Variants in CDKN2B-AS1 observed in about 807,000 individuals in gnomAD.
CDKN2B-AS1 encodes CDKN2B antisense RNA 1 (non-protein coding).
chr9:22,078,995 A>T (rs998265831), intron 4 of CDKN2B-AS1, among the ~76,000 whole-genome samples: 3 of 152,220 alleles, frequency 2.0e-5, no homozygotes, highest in African/African-American at 7.2e-5. Flanking sequence ...ACCATTATGG[A>T]AGCCTTATCA....
At chr9:22,031,070 G>A (rs935257983) in intron 1 of CDKN2B-AS1, 1 of 152,046 alleles carries the variant, frequency 6.6e-6, no homozygotes, top group African/African-American at 2.4e-5. Context: ...TATTTTTTAT[G>A]CAATCATTTG....
At chr9:22,100,668 G>C (rs1385627544) in intron 4 of CDKN2B-AS1, among the ~76,000 whole-genome samples, 2 of 151,892 alleles carry the variant, frequency 1.3e-5, no homozygotes, top group African/African-American at 4.8e-5. Context: ...TCATTTCCTT[G>C]GGTAGACACC....
chr9:22,067,525 AACAC>A (rs67625583), intron 4 of CDKN2B-AS1, among the ~76,000 whole-genome samples: 8,386 of 151,840 alleles, frequency 0.055, 316 homozygotes, highest in Non-Finnish European at 0.088. Flanking sequence ...AAATAAAAAG[AACAC>A]ACACACACAC....
At chr9:22,038,214 A>G (rs1181006294) in intron 1 of CDKN2B-AS1, among the ~76,000 whole-genome samples, 3 of 152,002 alleles carry the variant, frequency 2.0e-5, no homozygotes, top group African/African-American at 7.2e-5. Flanking sequence ...TTTCAGTGCA[A>G]TTTTCATATG....
intron 4 of CDKN2B-AS1, among the ~76,000 whole-genome samples, chr9:22,056,976 C>T (rs1823600985): frequency 6.6e-6 from 1 of 152,068 alleles, no homozygotes; most frequent in Non-Finnish European, 1.5e-5. Context: ...TAGCTTAGTC[C>T]TCAAAACTAG....
chr9:22,126,793 G>C (rs755956263), intron 4 of CDKN2B-AS1, among the ~76,000 whole-genome samples: 4 of 151,952 alleles, frequency 2.6e-5, no homozygotes, highest in South Asian at 2.1e-4. Flanking sequence ...AGGATGGCCT[G>C]GATCTCCTGA....
chr9:22,123,371 G>C (rs969088511), intron 4 of CDKN2B-AS1, among the ~76,000 whole-genome samples: 1 of 152,160 alleles, frequency 6.6e-6, no homozygotes, highest in African/African-American at 2.4e-5. Flanking sequence ...GCTTGGGCTA[G>C]GACTTCCATT....
chr9:22,058,159 A>T (rs1325442481), intron 4 of CDKN2B-AS1, among the ~76,000 whole-genome samples: 2 of 152,192 alleles, frequency 1.3e-5, no homozygotes, highest in African/African-American at 4.8e-5. Flanking sequence ...GCGCCATTGC[A>T]CTTCAGCCTG....
intron 1 of CDKN2B-AS1, among the ~76,000 whole-genome samples, chr9:22,042,175 T>A (rs1438435317): frequency 6.6e-6 from 1 of 152,056 alleles, no homozygotes; most frequent in African/African-American, 2.4e-5. Flanking sequence ...GCTTCAGAAG[T>A]TCTCTTTCCT....
At chr9:22,065,904 C>T (rs1309779454) in intron 4 of CDKN2B-AS1, 2 of 152,138 alleles carry the variant, frequency 1.3e-5, no homozygotes, top group Non-Finnish European at 2.9e-5. Flanking sequence ...TTTTTGTACC[C>T]GTAGCTCTTT....
At chr9:22,044,512 A>G (rs1173729318) in intron 1 of CDKN2B-AS1, among the ~76,000 whole-genome samples, 1 of 152,028 alleles carries the variant, frequency 6.6e-6, no homozygotes, top group Non-Finnish European at 1.5e-5. Flanking sequence ...AAATAACTGA[A>G]TTATAGTACA....
At chr9:22,123,556 G>A (rs996212338) in intron 4 of CDKN2B-AS1, among the ~76,000 whole-genome samples, 2 of 152,184 alleles carry the variant, frequency 1.3e-5, no homozygotes, top group African/African-American at 4.8e-5. Flanking sequence ...GAGGTCTCGA[G>A]GGGTAAGAGA....
intron 4 of CDKN2B-AS1, among the ~76,000 whole-genome samples, chr9:22,089,570 A>G (rs938195969): frequency 6.6e-6 from 1 of 152,062 alleles, no homozygotes; most frequent in Non-Finnish European, 1.5e-5. Context: ...AACTGGGACT[A>G]TAGGCACATG....
chr9:22,031,036 A>G (rs1822446902), intron 1 of CDKN2B-AS1: 1 of 152,206 alleles, frequency 6.6e-6, no homozygotes, highest in African/African-American at 2.4e-5. Flanking sequence ...AATAAACAGA[A>G]TTCAATGTAT....
In CDKN2B-AS1 at chr9:22,039,023, G is replaced by A. The variant is rs1209494633; in HGVS notation, n.30-7728G>A. 6.6e-6 allele frequency among the ~76,000 whole-genome samples: 1 copy of A among 151,856 alleles called. No individual in the cohort carries two copies. The highest frequency in any genetic ancestry group is 1.5e-5 in the Non-Finnish European group (1 of 67,918). ...GTTAGGACATGGAAATTTTTTCCTT[G>A]TCAATATTTATTCTTAATGTGTTTA... On this transcript the variant is annotated intron_variant and non_coding_transcript_variant, in intron 1 of 4. Transcript: ENST00000650946. The surrounding 1 kb of genome is among the most constrained non-coding windows in gnomAD (Gnocchi z 4.4).
intron 4 of CDKN2B-AS1, among the ~76,000 whole-genome samples, chr9:22,062,739 G>A (rs181976763): frequency 3.9e-4 from 59 of 151,938 alleles, no homozygotes; most frequent in East Asian, 2.5e-3. Flanking sequence ...TACCAGTTGG[G>A]TAATATTGTG....
chr9:22,072,868 G>C (rs1284962326), intron 4 of CDKN2B-AS1, among the ~76,000 whole-genome samples: 1 of 152,126 alleles, frequency 6.6e-6, no homozygotes. Context: ...AAGCTCTCCA[G>C]ACTTCTATTT....
intron 3 of CDKN2B-AS1, among the ~76,000 whole-genome samples, chr9:22,055,719 A>G (rs2131289510): frequency 6.6e-6 from 1 of 152,320 alleles, no homozygotes; most frequent in South Asian, 2.1e-4. Context: ...AGAAATCTAA[A>G]GGGACAAAAG....
intron 1 of CDKN2B-AS1, chr9:22,009,178 G>A (rs1821362388): frequency 1.5e-6 from 1 of 651,548 alleles, no homozygotes; most frequent in Non-Finnish European, 2.7e-6. Context: ...TCAAGAACCA[G>A]CGGGCGCGCC....
Sources: allele counts gnomAD v4.1 joint callset (sites outside exome capture counted in the v4.1 genomes callset), GRCh38; gene constraint gnomAD v4.1.1; non-coding constraint Gnocchi (gnomAD v3.1); transcripts MANE v1.5; gene names NCBI Gene and HGNC (gene_info 2026-07-23, HGNC 2026-07-21).